LILRB1: variants seen among roughly 807,000 people sequenced by gnomAD.
LILRB1 encodes leukocyte immunoglobulin-like receptor subfamily B member 1.
Under a neutral mutation model 74.6 loss-of-function variants are expected in LILRB1, and 59 were observed. The observed-to-expected ratio is 0.79, with a 90% CI of 0.64 to 0.98. The LOEUF (loss-of-function observed/expected upper bound fraction) is 0.98, where lower values mean the gene tolerates loss of function less well. Ranked by LOEUF, LILRB1 falls within the 50% of genes least tolerant of loss-of-function variation. LILRB1 has a pLI of 0.00. For synonymous variants in LILRB1, 328 were observed against 333.9 expected (o/e 0.98, Z 0.19); for missense variants, 804 against 822.6 (o/e 0.98, Z 0.28).
At chr19:54,632,832 A>G in intron 6 of LILRB1, 72 bp downstream of exon 6, 11 of 1,392,550 alleles carry the variant, frequency 7.9e-6, no homozygotes, top group Non-Finnish European at 1.1e-5. Context: ...TCAGGTAGTG[A>G]TGGCCGGGAT....
chr19:54,633,694 T>C lies in LILRB1; in HGVS notation c.1312+6T>C. On this transcript the variant is annotated splice_donor_region_variant and intron_variant, in intron 8 of 14. Coordinates refer to ENST00000324602, the MANE Select transcript of LILRB1 (RefSeq NM_001081637.3). ...AGGCCCCACCTCCACATCTGGTGAG[T>C]CCCTGAGGCTTCTGAACTCAAGGGA... The C allele has an allele frequency of 6.2e-7, 1 of 1,613,218 alleles. No homozygotes were observed. The highest frequency in any genetic ancestry group is 1.3e-5 in the African/African-American group (1 of 74,930).
At chr19:54,618,866 T>C (rs571214240) in intron 1 of LILRB1, among the ~76,000 whole-genome samples, 1 of 152,304 alleles carries the variant, frequency 6.6e-6, no homozygotes, top group East Asian at 1.9e-4. Flanking sequence ...ACAGTGTTCA[T>C]AAATAATCTA....
At chr19:54,630,849 A>G (rs2781771) in intron 1 of LILRB1, 177 bp from the exon 2 acceptor site, 38,518 of 697,054 alleles carry the variant, frequency 0.055, 1,017 homozygotes, top group South Asian at 0.09. Flanking sequence ...GCCCATTACC[A>G]TCTGAAATGA....
At chr19:54,633,429 A>C (rs2064096685) in intron 7 of LILRB1, 111 bp downstream of exon 7, 20 of 1,420,762 alleles carry the variant, frequency 1.4e-5, no homozygotes, top group Non-Finnish European at 1.8e-5. Flanking sequence ...GGGCTCAGCC[A>C]GTGGGAGACT....
At chr19:54,630,727 C>T in intron 1 of LILRB1, 94 bp downstream of exon 1, 1 of 606,038 alleles carries the variant, frequency 1.7e-6, no homozygotes, top group East Asian at 3.0e-5. Flanking sequence ...CCTCCGCTAC[C>T]CTCGTCAGGA....
rs762873590 is a variant in LILRB1, at chr19:54,633,245, G to C, written c.1188G>C (p.Arg396Ser). ...CCTCAGCCCATGCGGGGACCTACAG[G>C]TGCTACGGCTCACAGAGCTCCAAAC... The part of the protein sequence containing the change: ...PVTSAHAGTY[R>S]CYGSQSSKPY... The change falls in exon 7 of 15, where the codon AGG becomes AGC. Residue 396 changes from arginine to serine, a missense_variant. Coordinates refer to ENST00000324602, the MANE Select transcript of LILRB1 (RefSeq NM_001081637.3). The C allele has an allele frequency of 8.7e-6, 14 of 1,613,754 alleles. No individual in the cohort carries two copies. Among genetic ancestry groups the C allele is most frequent in the African/African-American group, 4.0e-5 (3 of 74,902 alleles).
Position 54,631,174 on chromosome 19 carries a change from T to C in LILRB1, c.34+67T>C, listed in dbSNP as rs564534936. The C allele has an allele frequency of 5.0e-6, 8 of 1,613,842 alleles. No homozygotes were observed. In the Admixed American group the frequency reaches 1.3e-4, roughly 27 times the overall value. The stretch of plus-strand genomic sequence containing the variant: ...ACCTCACCCCACAGCCAAACTCTTG[T>C]CCCTAAGGAGACCCCAGGGGCTCAC... On this transcript the variant is annotated intron_variant, in intron 2 of 14. Coordinates refer to ENST00000324602, the MANE Select transcript of LILRB1 (RefSeq NM_001081637.3).
chr19:54,621,955 A>G (rs1600315044), intron 1 of LILRB1, among the ~76,000 whole-genome samples: 2 of 152,106 alleles, frequency 1.3e-5, no homozygotes, highest in African/African-American at 2.4e-5. Context: ...TCCTTTCCCC[A>G]TTGTTTACTT....
intron 1 of LILRB1, among the ~76,000 whole-genome samples, chr19:54,622,264 G>A (rs1293664943): frequency 6.6e-6 from 1 of 152,138 alleles, no homozygotes; most frequent in Admixed American, 6.5e-5. Flanking sequence ...TGTTGAATCT[G>A]TAGTATGCTT....
At chr19:54,635,218 T>A in intron 11 of LILRB1, 39 bp downstream of exon 11, 1 of 1,610,762 alleles carries the variant, frequency 6.2e-7, no homozygotes, top group Non-Finnish European at 8.5e-7. Context: ...CACCTGCTCG[T>A]GGCCCATACA....
At chr19:54,619,889 A>C (rs1305566172) in intron 1 of LILRB1, among the ~76,000 whole-genome samples, 4 of 151,574 alleles carry the variant, frequency 2.6e-5, no homozygotes, top group Admixed American at 2.0e-4. Flanking sequence ...ATTTAGTAAA[A>C]TTAATTTAGT....
chr19:54,635,411 C>G, intron 12 of LILRB1, 115 bp downstream of exon 12: 1 of 1,526,280 alleles, frequency 6.6e-7, no homozygotes. Context: ...GTGAGATCAT[C>G]TCACCCCACA....
chr19:54,628,783 C>T (rs1204793658), upstream of LILRB1, among the ~76,000 whole-genome samples: 1 of 152,138 alleles, frequency 6.6e-6, no homozygotes, highest in Non-Finnish European at 1.5e-5. Context: ...CTGAGACCAT[C>T]TTCTGGGAGG....
intron 1 of LILRB1, among the ~76,000 whole-genome samples, chr19:54,622,358 G>C (rs2146172201): frequency 6.6e-6 from 1 of 152,246 alleles, no homozygotes; most frequent in South Asian, 2.1e-4. Flanking sequence ...GTTGCCTACA[G>C]TTCCTTTCAT....
At chr19:54,621,454 T>G (rs568984867) in intron 1 of LILRB1, among the ~76,000 whole-genome samples, 1 of 152,324 alleles carries the variant, frequency 6.6e-6, no homozygotes, top group African/African-American at 2.4e-5. Context: ...AATGTGTTTG[T>G]TGGCCACTTA....
At chr19:54,631,335 C>T in intron 3 of LILRB1, 29 bp downstream of exon 3, 2 of 1,613,422 alleles carry the variant, frequency 1.2e-6, no homozygotes, top group Non-Finnish European at 1.7e-6. Context: ...CTTCCAGGTC[C>T]CTCCTCCTCA....
In LILRB1 at chr19:54,637,201, A is replaced by C; in HGVS notation, c.*323A>C. The C allele has an allele frequency of 3.3e-6, 1 of 303,956 alleles. No individual in the cohort carries two copies. Among genetic ancestry groups the C allele is most frequent in the Non-Finnish European group, 6.1e-6 (1 of 164,178 alleles). The allele number at this position is 303,956 out of a possible 1,614,324, so 18.8% of individuals were successfully genotyped here. The stretch of plus-strand genomic sequence containing the variant: ...ACGAATGAATGAATTAGGAAAGAAA[A>C]AAAGTAGGAAATGAATGATCTTGGC... On this transcript the variant is annotated 3_prime_UTR_variant, in exon 15 of 15. Coordinates refer to ENST00000324602, the MANE Select transcript of LILRB1 (RefSeq NM_001081637.3).
In LILRB1 at chr19:54,637,740, GAGAA is replaced by G. The variant is rs1393029019; in HGVS notation, c.*870_*873del. On this transcript the variant is annotated 3_prime_UTR_variant, in exon 15 of 15. Transcript: ENST00000324602. ...CATGAATTCTAACTACAATGAAAAA[GAGAA>G]AGAAAGAGCAGGCATGCATTTCCAT... Among the ~76,000 whole-genome samples the G allele has an allele frequency of 6.6e-6, 1 of 152,108 alleles. No homozygotes were observed. The highest frequency in any genetic ancestry group is 2.4e-5 in the African/African-American group (1 of 41,412).
upstream of LILRB1, among the ~76,000 whole-genome samples, chr19:54,616,780 A>G (rs2063321399): frequency 6.6e-6 from 1 of 151,702 alleles, no homozygotes; most frequent in South Asian, 2.1e-4. Flanking sequence ...TCATAGGGAA[A>G]CGAGAGACTG....
Sources: allele counts gnomAD v4.1 joint callset (sites outside exome capture counted in the v4.1 genomes callset), GRCh38; gene constraint gnomAD v4.1.1; transcripts MANE v1.5; gene names NCBI Gene and HGNC (gene_info 2026-07-23, HGNC 2026-07-21).